Variants in FAM193A observed in about 807,000 individuals in gnomAD.
The protein encoded by FAM193A is protein FAM193A.
Under a neutral mutation model 126.5 loss-of-function variants are expected in FAM193A, and 22 were observed. The observed-to-expected ratio is 0.17, with a 90% CI of 0.12 to 0.25. The LOEUF is 0.25. Ranked by LOEUF, FAM193A falls within the 10% of genes least tolerant of loss-of-function variation. The pLI, the probability that FAM193A is intolerant of heterozygous loss-of-function variation, is 1.00. For missense variants in FAM193A, 1,675 were observed against 1,672.8 expected (o/e 1.00, Z -0.02); for synonymous variants, 761 against 646.8 (o/e 1.18, Z -2.68).
intron 1 of FAM193A, among the ~76,000 whole-genome samples, chr4:2,547,136 C>G (rs1415542964): frequency 1.3e-5 from 2 of 152,080 alleles, no homozygotes; most frequent in Non-Finnish European, 2.9e-5. Context: ...GCCTGTAATT[C>G]CAGCACGTTG....
chr4:2,584,250 G>A (rs1006561752), intron 1 of FAM193A, among the ~76,000 whole-genome samples: 2 of 151,918 alleles, frequency 1.3e-5, no homozygotes, highest in African/African-American at 4.8e-5. Flanking sequence ...CTTTAACAAT[G>A]TTCTTTAAAC....
intron 19 of FAM193A, among the ~76,000 whole-genome samples, chr4:2,702,209 C>T (rs1464329766): frequency 6.6e-6 from 1 of 152,198 alleles, no homozygotes; most frequent in Non-Finnish European, 1.5e-5. Context: ...TTACTTGATG[C>T]TATAGATGAG....
At chr4:2,697,741 T>C (rs561758934) in intron 18 of FAM193A, among the ~76,000 whole-genome samples, 1 of 152,356 alleles carries the variant, frequency 6.6e-6, no homozygotes, top group South Asian at 2.1e-4. Context: ...CTATTGGGCC[T>C]GATTGGGAGG....
At chr4:2,624,611 A>G (rs1482379049) in intron 2 of FAM193A, among the ~76,000 whole-genome samples, 2 of 152,216 alleles carry the variant, frequency 1.3e-5, no homozygotes, top group Non-Finnish European at 2.9e-5. Context: ...ATCACTTTCC[A>G]GAGGTGCCCA....
intron 10 of FAM193A, 62 bp from the exon 11 acceptor site, chr4:2,662,776 T>C: frequency 2.3e-6 from 3 of 1,322,780 alleles, no homozygotes; most frequent in Non-Finnish European, 3.2e-6. Flanking sequence ...GCTTAGTGGC[T>C]GGTTTACTCA....
chr4:2,648,022 C>T (rs1360121299), intron 7 of FAM193A, among the ~76,000 whole-genome samples: 1 of 152,140 alleles, frequency 6.6e-6, no homozygotes, highest in Non-Finnish European at 1.5e-5. Flanking sequence ...ATTGATTTCA[C>T]AGCTACAGGC....
At chr4:2,666,598 A>G (rs1713142415) in intron 12 of FAM193A, among the ~76,000 whole-genome samples, 1 of 152,162 alleles carries the variant, frequency 6.6e-6, no homozygotes. Flanking sequence ...GAGATTTATT[A>G]AATATTTGAT....
chr4:2,570,721 A>G (rs900156631), intron 1 of FAM193A, among the ~76,000 whole-genome samples: 2 of 152,102 alleles, frequency 1.3e-5, no homozygotes, highest in African/African-American at 4.8e-5. Context: ...CAGTTACCCC[A>G]TGGGTACAGG....
chr4:2,539,447 GTC>G (rs910871149), intron 1 of FAM193A, among the ~76,000 whole-genome samples: 3 of 152,092 alleles, frequency 2.0e-5, no homozygotes, highest in African/African-American at 4.8e-5. Context: ...AAGAGACACG[GTC>G]TCTCTCTGTT....
At chr4:2,596,743 C>CGAGGCCACGGA (rs1740888920) in intron 2 of FAM193A, among the ~76,000 whole-genome samples, 1 of 151,540 alleles carries the variant, frequency 6.6e-6, no homozygotes, top group South Asian at 2.1e-4. Context: ...TCAGCCTCTT[C>CGAGGCCACGGA]GAGGCCACAG....
At chr4:2,575,755 C>T (rs968103533) in intron 1 of FAM193A, among the ~76,000 whole-genome samples, 1 of 151,980 alleles carries the variant, frequency 6.6e-6, no homozygotes, top group Non-Finnish European at 1.5e-5. Context: ...CGTGAGCCAT[C>T]GCGCCCGGCG....
intron 12 of FAM193A, among the ~76,000 whole-genome samples, chr4:2,670,743 A>G (rs1674491666): frequency 6.6e-6 from 1 of 152,148 alleles, no homozygotes; most frequent in African/African-American, 2.4e-5. Context: ...TACAGGTGTG[A>G]GCCACTGCGC....
intron 2 of FAM193A, among the ~76,000 whole-genome samples, chr4:2,604,646 C>G (rs1313283248): frequency 1.3e-5 from 2 of 151,914 alleles, no homozygotes; most frequent in Non-Finnish European, 2.9e-5. Context: ...GGAGCTCCCT[C>G]CCATTCTTTT....
At chr4:2,619,841 C>T (rs1255082690) in intron 2 of FAM193A, among the ~76,000 whole-genome samples, 1 of 152,136 alleles carries the variant, frequency 6.6e-6, no homozygotes, top group Non-Finnish European at 1.5e-5. Context: ...CAGGCTTGTG[C>T]CTCCATGCCT....
chr4:2,567,180 C>A lies in FAM193A; in HGVS notation c.256-28904C>A, dbSNP rs541774666. On this transcript the variant is annotated intron_variant, in intron 1 of 20. Transcript: ENST00000637812. ...AGCCAGGATGGTCTCGATCTCCTGA[C>A]CTCGTGATCCACCCGCCTTTGCCTC... Among the ~76,000 whole-genome samples, 16 of 151,662 alleles carry A rather than the reference C, an allele frequency of 1.1e-4. No homozygotes were observed. In the East Asian group the frequency reaches 2.7e-3, roughly 26 times the overall value.
At position 2,699,939 on chromosome 4, in the gene FAM193A, C is replaced by T. The variant is rs963526335; in HGVS notation, c.3767C>T (p.Ser1256Phe). 6.2e-7 allele frequency: 1 copy of T among 1,614,056 alleles called. No individual in the cohort carries two copies. The highest frequency in any genetic ancestry group is 8.5e-7 in the Non-Finnish European group (1 of 1,180,020). ...FQAATESVPN[S>F]GNIHNGSLEQ... ...GCAGCAACAGAGTCTGTTCCTAACT[C>T]TGGAAACATCCACAATGGCTCACTA... is the stretch of plus-strand genomic sequence containing the variant. The change falls in exon 19 of 21, where the codon TCT (serine) becomes TTT (phenylalanine). Residue 1256 changes from serine (S) to phenylalanine (F), a missense_variant. By Grantham distance (155) the Ser-to-Phe change is radical. Coordinates refer to ENST00000637812, the MANE Select transcript of FAM193A (RefSeq NM_001366318.2).
chr4:2,593,855 A>G (rs1259077376), intron 1 of FAM193A, among the ~76,000 whole-genome samples: 3 of 151,670 alleles, frequency 2.0e-5, no homozygotes, highest in Non-Finnish European at 4.4e-5. Flanking sequence ...ATATTGGGGT[A>G]AATCAGTGTG....
intron 1 of FAM193A, among the ~76,000 whole-genome samples, chr4:2,572,591 C>G (rs1045918928): frequency 6.6e-6 from 1 of 152,048 alleles, no homozygotes; most frequent in Admixed American, 6.6e-5. Flanking sequence ...TTGTCAGTCC[C>G]AGGTAAGAGG....
At chr4:2,689,767 C>T (rs1716148102) in intron 14 of FAM193A, 63 bp downstream of exon 14, 4 of 1,196,178 alleles carry the variant, frequency 3.3e-6, no homozygotes, top group South Asian at 2.9e-5. Context: ...GACATCTTTG[C>T]CGTAGTCTCC....
Sources: allele counts gnomAD v4.1 joint callset (sites outside exome capture counted in the v4.1 genomes callset), GRCh38; gene constraint gnomAD v4.1.1; transcripts MANE v1.5; gene names NCBI Gene and HGNC (gene_info 2026-07-23, HGNC 2026-07-21).